DNAH14: variants seen among roughly 807,000 people sequenced by gnomAD.
DNAH14 encodes the protein dynein axonemal heavy chain 14, also known as axonemal beta dynein heavy chain 14.
In DNAH14, 478 loss-of-function variants were observed where a neutral mutation model predicts 520.9. That is an observed-to-expected ratio of 0.92 (90% CI 0.85 to 0.99). The LOEUF (loss-of-function observed/expected upper bound fraction) is 0.99, where lower values mean the gene tolerates loss of function less well. Ranked by LOEUF, DNAH14 falls within the 50% of genes least tolerant of loss-of-function variation. The probability of loss-of-function intolerance (pLI) is 0.00; values close to 1 mark genes in which losing one functional copy is unlikely to be tolerated. For missense variants in DNAH14, 4,831 were observed against 5,234.5 expected, an observed-to-expected ratio of 0.92 and a Z score of 2.38; for synonymous variants, 1,581 against 1,757.2, an observed-to-expected ratio of 0.90 and a Z score of 2.51.
At chr1:225,226,237 A>G (rs2090518902) in intron 41 of DNAH14, among the ~76,000 whole-genome samples, 1 of 152,000 alleles carries the variant, frequency 6.6e-6, no homozygotes, top group Non-Finnish European at 1.5e-5. Context: ...GGATTGACTT[A>G]CCCCCAGTGG....
rs753543863 is a variant in DNAH14, at chr1:225,331,488, GAAA to G, written c.9778_9780del (p.Lys3260del). 36 of 1,551,496 alleles carry G rather than the reference GAAA, an allele frequency of 2.3e-5. 1 individual carries two copies. The South Asian group carries it at 4.3e-4, about 18-fold the overall frequency. On this transcript the variant is annotated inframe_deletion, in exon 65 of 86. Coordinates refer to ENST00000682510, the MANE Select transcript of DNAH14 (RefSeq NM_001367479.1). ...GGCAGCTTACAAAGATACCGTTGCTGAAAAACAACTATTAGCAAATCGGAAAAC... is the reference window on the plus strand; with the variant it reads ...GGCAGCTTACAAAGATACCGTTGCTGAACAACTATTAGCAAATCGGAAAAC...
At chr1:225,294,932 T>A (rs1574582801) in intron 55 of DNAH14, among the ~76,000 whole-genome samples, 2 of 152,134 alleles carry the variant, frequency 1.3e-5, no homozygotes, top group Non-Finnish European at 2.9e-5. Flanking sequence ...TTATTACTGA[T>A]CAATCTTGTT....
At chr1:225,250,345 A>G (rs947817671) in intron 43 of DNAH14, among the ~76,000 whole-genome samples, 3 of 152,254 alleles carry the variant, frequency 2.0e-5, no homozygotes, top group Non-Finnish European at 2.9e-5. Context: ...CTAATGATGT[A>G]TAATAAGGGA....
intron 73 of DNAH14, among the ~76,000 whole-genome samples, chr1:225,355,548 T>C (rs894162886): frequency 3.9e-5 from 6 of 152,170 alleles, no homozygotes; most frequent in African/African-American, 1.4e-4. Context: ...CACCTCTTAA[T>C]ACTAACACAT....
At chr1:225,385,625 C>T (rs1461626532) in intron 81 of DNAH14, among the ~76,000 whole-genome samples, 2 of 152,142 alleles carry the variant, frequency 1.3e-5, no homozygotes, top group Non-Finnish European at 2.9e-5. Context: ...AACTCCCATT[C>T]ACAATTGCTT....
intron 10 of DNAH14, among the ~76,000 whole-genome samples, chr1:225,017,365 C>G (rs1055671679): frequency 6.6e-6 from 1 of 152,174 alleles, no homozygotes; most frequent in African/African-American, 2.4e-5. Context: ...ATATATTAAT[C>G]AGGCTAATAA....
chr1:224,968,895 C>T, intron 7 of DNAH14, 21 bp downstream of exon 7: 1 of 1,492,072 alleles, frequency 6.7e-7, no homozygotes, highest in Non-Finnish European at 9.1e-7. Context: ...AAAAATGAAA[C>T]CAATTCTTTG....
chr1:225,313,333 CT>C (rs2094407292), intron 60 of DNAH14, among the ~76,000 whole-genome samples: 1 of 152,178 alleles, frequency 6.6e-6, no homozygotes, highest in South Asian at 2.1e-4. Flanking sequence ...ATTCTTCTGT[CT>C]TTTCTTCTTT....
In DNAH14 at chr1:225,322,779, C is replaced by T. The variant is rs1339258127; in HGVS notation, c.9451C>T (p.Leu3151=). The T allele has an allele frequency of 6.4e-7, 1 of 1,551,656 alleles. No individual in the cohort carries two copies. Among genetic ancestry groups the T allele is most frequent in the Non-Finnish European group, 8.7e-7 (1 of 1,146,942 alleles). The change falls in exon 62 of 86, where the codon CTG becomes TTG. Residue 3151 remains leucine, a synonymous_variant. Coordinates refer to ENST00000682510, the MANE Select transcript of DNAH14 (RefSeq NM_001367479.1). The part of the protein sequence containing the change: ...AKLLLSETGF[L]KKLINLDKDS... ...GTTACTTCTTTCAGAAACTGGTTTC[C>T]TGAAAAAATTGATTAACCTTGACAA...
intron 10 of DNAH14, among the ~76,000 whole-genome samples, chr1:225,007,822 G>C (rs1446728946): frequency 1.3e-5 from 2 of 151,766 alleles, no homozygotes; most frequent in Middle Eastern, 3.2e-3. Context: ...TGCTAAGGAT[G>C]ATGATTCTCA....
intron 43 of DNAH14, among the ~76,000 whole-genome samples, chr1:225,247,382 T>G (rs1419052465): frequency 6.6e-6 from 1 of 151,832 alleles, no homozygotes; most frequent in African/African-American, 2.4e-5. Flanking sequence ...ATTCCAGAAC[T>G]TAAAGAATAA....
chr1:225,294,006 T>G (rs986187842), intron 55 of DNAH14, among the ~76,000 whole-genome samples: 9 of 152,100 alleles, frequency 5.9e-5, no homozygotes, highest in Non-Finnish European at 1.3e-4. Context: ...TGGGCATTAT[T>G]TTCTTGTTTT....
At chr1:224,991,084 C>CATTTTTTTTTTTTTTTTTTTT (rs1558617220) in intron 8 of DNAH14, among the ~76,000 whole-genome samples, 1 of 77,900 alleles carries the variant, frequency 1.3e-5, no homozygotes, top group Admixed American at 1.4e-4. Context: ...TGATGTTGAG[C>CATTTTTTTTTTTTTTTTTTTT]TTTTTTTTTT....
intron 43 of DNAH14, among the ~76,000 whole-genome samples, chr1:225,245,189 T>C (rs761901110): frequency 2.6e-5 from 4 of 152,232 alleles, no homozygotes; most frequent in Non-Finnish European, 4.4e-5. Context: ...AGTTCTAATT[T>C]GATTGCAATG....
intron 60 of DNAH14, among the ~76,000 whole-genome samples, chr1:225,310,275 G>A (rs2094336768): frequency 6.6e-6 from 1 of 151,750 alleles, no homozygotes; most frequent in Admixed American, 6.6e-5. Flanking sequence ...AGGGCCTGGG[G>A]CCATATTTTT....
chr1:225,228,635 G>A (rs2090791332), intron 41 of DNAH14, among the ~76,000 whole-genome samples: 1 of 151,946 alleles, frequency 6.6e-6, no homozygotes, highest in Admixed American at 6.6e-5. Context: ...GATTGGAAAA[G>A]AATGATACTG....
At chr1:225,175,395 T>C (rs555088448) in intron 36 of DNAH14, among the ~76,000 whole-genome samples, 27 of 152,256 alleles carry the variant, frequency 1.8e-4, no homozygotes, top group African/African-American at 6.0e-4. Context: ...CAGCAATATA[T>C]CAGTTTCTTC....
At chr1:225,255,905 TA>T (rs1405872944) in intron 44 of DNAH14, among the ~76,000 whole-genome samples, 2 of 152,068 alleles carry the variant, frequency 1.3e-5, no homozygotes, top group African/African-American at 4.8e-5. Context: ...GTAGACCTTC[TA>T]GAAATGAAAA....
In DNAH14 at chr1:225,389,717, G is replaced by A; in HGVS notation, c.13191-17G>A. On this transcript the variant is annotated splice_polypyrimidine_tract_variant and intron_variant, in intron 82 of 85. Coordinates refer to ENST00000682510, the MANE Select transcript of DNAH14 (RefSeq NM_001367479.1). ...ATTATGCCCTTAACCCCCAACCTGTGGTCTGCCTTCCACTAGGTATATGAG... is the reference window on the plus strand; with the variant it reads ...ATTATGCCCTTAACCCCCAACCTGTAGTCTGCCTTCCACTAGGTATATGAG... 1.3e-6 allele frequency: 2 copies of A among 1,551,682 alleles called. No individual in the cohort carries two copies. The highest frequency in any genetic ancestry group is 4.9e-5 in the East Asian group (2 of 40,904).
Sources: gnomAD v4.1 joint callset for allele counts (sites outside exome capture counted in the v4.1 genomes callset) on GRCh38, gnomAD v4.1.1 for gene constraint, MANE v1.5 for transcripts, NCBI Gene and HGNC (gene_info 2026-07-23, HGNC 2026-07-21) for gene names.